Variants in DGKE observed in about 807,000 individuals in gnomAD.
DGKE encodes diacylglycerol kinase epsilon, also known as DAG kinase epsilon.
In DGKE, 53 loss-of-function variants were observed where a neutral mutation model predicts 70.0. That is an observed-to-expected ratio of 0.76 (90% CI 0.61 to 0.95). The LOEUF is 0.95. Ranked by LOEUF, DGKE falls within the 40% of genes least tolerant of loss-of-function variation. The probability of loss-of-function intolerance (pLI) is 0.00; values close to 1 mark genes in which losing one functional copy is unlikely to be tolerated. For synonymous variants in DGKE, 291 were observed against 257.0 expected, an observed-to-expected ratio of 1.13 and a Z score of -1.27; for missense variants, 655 against 706.9, an observed-to-expected ratio of 0.93 and a Z score of 0.83.
intron 6 of DGKE, 56 bp from the exon 7 acceptor site, chr17:56,849,125 C>G: frequency 6.6e-7 from 1 of 1,514,742 alleles, no homozygotes; most frequent in Non-Finnish European, 9.0e-7. Flanking sequence ...ATCCAAACAT[C>G]CAGAGTATGG....
intron 9 of DGKE, among the ~76,000 whole-genome samples, chr17:56,859,451 A>T (rs140805361): frequency 0.014 from 2,095 of 148,290 alleles, 36 homozygotes; most frequent in African/African-American, 0.039. Context: ...ATGGAGTCTC[A>T]CTCTGTCATC....
At chr17:56,848,223 A>G (rs1202937601) in intron 5 of DGKE, among the ~76,000 whole-genome samples, 158 bp downstream of exon 5, 1 of 151,960 alleles carries the variant, frequency 6.6e-6, no homozygotes, top group Non-Finnish European at 1.5e-5. Context: ...AGCGGCGCAG[A>G]CACAGCTAAC....
chr17:56,859,946 C>G (rs1305549726), intron 9 of DGKE, among the ~76,000 whole-genome samples: 1 of 152,162 alleles, frequency 6.6e-6, no homozygotes, highest in East Asian at 1.9e-4. Flanking sequence ...CTCAAAGTCT[C>G]TGGGCTGCCA....
Position 56,865,360 on chromosome 17 carries a change from C to G in DGKE, c.*2569C>G, listed in dbSNP as rs757740658. On this transcript the variant is annotated 3_prime_UTR_variant, in exon 12 of 12. Transcript: ENST00000284061. ...TCTCCATGTCTGTTTCCAGATTTCT[C>G]TAATCTTTTTACTATCCCAATACAT... is the stretch of plus-strand genomic sequence containing the variant. The G allele has an allele frequency of 6.6e-6, 1 of 152,094 alleles. No homozygotes were observed. Among genetic ancestry groups the G allele is most frequent in the South Asian group, 2.1e-4 (1 of 4,828 alleles). The allele number at this position is 152,094 out of a possible 1,614,324, so 9.4% of individuals were successfully genotyped here. A position where few individuals can be genotyped will look rare whatever the true frequency, so the allele number is the denominator to read the frequency against.
intron 9 of DGKE, among the ~76,000 whole-genome samples, chr17:56,861,586 A>G (rs1598050042): frequency 6.6e-6 from 1 of 152,208 alleles, no homozygotes; most frequent in South Asian, 2.1e-4. Flanking sequence ...AACAAAAAGA[A>G]CATTATTGTT....
At chr17:56,842,954 C>T (rs1304944907) in intron 2 of DGKE, among the ~76,000 whole-genome samples, 1 of 152,128 alleles carries the variant, frequency 6.6e-6, no homozygotes, top group Non-Finnish European at 1.5e-5. Context: ...ACGTCTATTT[C>T]AAAAGCAAGC....
chr17:56,858,801 T>A, intron 9 of DGKE, 136 bp downstream of exon 9: 1 of 591,596 alleles, frequency 1.7e-6, no homozygotes, highest in Non-Finnish European at 2.9e-6. Flanking sequence ...TGCCAGGCAC[T>A]TTGCTACATG....
intron 2 of DGKE, chr17:56,838,570 A>G (rs1033895935): frequency 2.6e-5 from 4 of 152,254 alleles, no homozygotes; most frequent in African/African-American, 9.6e-5. Context: ...AGTGAATCTT[A>G]TAAATGACCA....
intron 7 of DGKE, among the ~76,000 whole-genome samples, chr17:56,851,325 C>T (rs1411361347): frequency 2.6e-5 from 4 of 152,112 alleles, no homozygotes; most frequent in South Asian, 2.1e-4. Flanking sequence ...AGGTTTACTC[C>T]GGAAAGTTTA....
intron 1 of DGKE, 76 bp from the exon 2 acceptor site, chr17:56,834,702 G>T: frequency 7.2e-7 from 1 of 1,388,592 alleles, no homozygotes; most frequent in Non-Finnish European, 9.7e-7. Flanking sequence ...CGCCCGGTTT[G>T]GCCCCGGAAA....
At position 56,861,874 on chromosome 17, in the gene DGKE, C is replaced by T; in HGVS notation, c.1368C>T (p.Cys456=). Residue 456 remains cysteine (C), a synonymous_variant, in exon 10 of 12, where the codon TGC becomes TGT. Coordinates refer to ENST00000284061, the MANE Select transcript of DGKE (RefSeq NM_003647.3). ...ACATCGGATACTGGGGCGGTGGCTG[C>T]AGACTATGGGAAGGGATGGGGGACG... ...VLNIGYWGGG[C]RLWEGMGDET... 1 of 1,613,800 alleles carries T rather than the reference C, an allele frequency of 6.2e-7. No homozygotes were observed. The highest frequency in any genetic ancestry group is 8.5e-7 in the Non-Finnish European group (1 of 1,179,918).
At chr17:56,840,118 C>T (rs940095077) in intron 2 of DGKE, among the ~76,000 whole-genome samples, 2 of 152,040 alleles carry the variant, frequency 1.3e-5, no homozygotes, top group Non-Finnish European at 2.9e-5. Context: ...GAGCCGAGAT[C>T]GCGCCATTGC....
chr17:56,834,636 C>T (rs1410198244), intron 1 of DGKE, 142 bp from the exon 2 acceptor site: 1 of 790,116 alleles, frequency 1.3e-6, no homozygotes, highest in Non-Finnish European at 2.0e-6. Context: ...TCCCGGGAGA[C>T]GGGGGGACGA....
At chr17:56,862,342 A>G in intron 11 of DGKE, 91 bp downstream of exon 11, 1 of 1,283,376 alleles carries the variant, frequency 7.8e-7, no homozygotes. Context: ...CTTTTCTTTA[A>G]ACAGTGGTTT....
At chr17:56,862,016 G>C in intron 10 of DGKE, 98 bp downstream of exon 10, 1 of 1,527,232 alleles carries the variant, frequency 6.5e-7, no homozygotes, top group East Asian at 2.3e-5. Flanking sequence ...TTTCTTTTTT[G>C]TGTATCTCAT....
At chr17:56,836,999 C>G (rs577667440) in intron 2 of DGKE, among the ~76,000 whole-genome samples, 19 of 152,270 alleles carry the variant, frequency 1.2e-4, no homozygotes, top group African/African-American at 4.3e-4. Context: ...CCTCCTCCCC[C>G]AGTTTTTCCT....
In DGKE at chr17:56,868,129, T is replaced by C. The variant is rs1410446449; in HGVS notation, c.*5338T>C. 6.6e-6 allele frequency: 1 copy of C among 152,280 alleles called. No homozygotes were observed. The highest frequency in any genetic ancestry group is 2.4e-5 in the African/African-American group (1 of 41,468). 9.4% of individuals were successfully genotyped at this position (152,280 alleles called of 1,614,324 possible). A position where few individuals can be genotyped will look rare whatever the true frequency, so the allele number is the denominator to read the frequency against. ...TGTTGAAAAGGAAGAGCTGGAAAGCTCAGTTGTTTTCCTTGTTCCTCTGAC... is the reference window on the plus strand; with the variant it reads ...TGTTGAAAAGGAAGAGCTGGAAAGCCCAGTTGTTTTCCTTGTTCCTCTGAC... On this transcript the variant is annotated 3_prime_UTR_variant, in exon 12 of 12. Transcript: ENST00000284061.
At chr17:56,847,328 TA>T (rs1907345241) in intron 4 of DGKE, 1 of 138,186 alleles carries the variant, frequency 7.2e-6, no homozygotes, top group African/African-American at 2.7e-5. Flanking sequence ...GTATAGTAGA[TA>T]AACTATAACT....
At chr17:56,844,280 A>T (rs1907160715) in intron 3 of DGKE, 102 bp downstream of exon 3, 1 of 745,200 alleles carries the variant, frequency 1.3e-6, no homozygotes, top group African/African-American at 1.8e-5. Context: ...TGGTGCCAGG[A>T]ATAAAATAAA....
Sources: gnomAD v4.1 joint callset for allele counts (sites outside exome capture counted in the v4.1 genomes callset) on GRCh38, gnomAD v4.1.1 for gene constraint, MANE v1.5 for transcripts, NCBI Gene and HGNC (gene_info 2026-07-23, HGNC 2026-07-21) for gene names.